The following ANK3 variants were observed in gnomAD, a reference collection of about 807,000 sequenced individuals.
ANK3 encodes the protein ankyrin-3.
A neutral mutation model predicts 370.9 loss-of-function variants in ANK3; 57 were observed. The observed-to-expected ratio is 0.15, with a 90% CI of 0.12 to 0.19. The LOEUF is 0.19. Ranked by LOEUF, ANK3 falls within the 10% of genes least tolerant of loss-of-function variation. The pLI is 1.00. For synonymous variants in ANK3, 1,929 were observed against 1,946.3 expected (o/e 0.99, Z 0.23); for missense variants, 4,439 against 5,302.1 (o/e 0.84, Z 5.06).
intron 8 of ANK3, among the ~76,000 whole-genome samples, chr10:60,229,217 A>T (rs1249768605): frequency 6.6e-6 from 1 of 152,196 alleles, no homozygotes; most frequent in Non-Finnish European, 1.5e-5. Context: ...GAAAAAATTG[A>T]TATATTTTTA....
chr10:60,434,751 G>GCT (rs1307762320), intron 2 of ANK3, among the ~76,000 whole-genome samples: 1 of 152,142 alleles, frequency 6.6e-6, no homozygotes, highest in African/African-American at 2.4e-5. Flanking sequence ...ATGCATTTTT[G>GCT]CAGAAGCTCA....
chr10:60,709,789 C>T (rs1215430133), intron 1 of ANK3, among the ~76,000 whole-genome samples: 1 of 149,408 alleles, frequency 6.7e-6, no homozygotes, highest in African/African-American at 2.5e-5. Context: ...GATTGCGCCA[C>T]TACACTCCAG....
chr10:60,288,927 C>CACAT (rs60551895), intron 1 of ANK3, among the ~76,000 whole-genome samples: 1 of 151,252 alleles, frequency 6.6e-6, no homozygotes, highest in Non-Finnish European at 1.5e-5. Flanking sequence ...CACACACACA[C>CACAT]GTCACAGCCA....
At chr10:60,218,329 G>T (rs1349707478) in intron 8 of ANK3, among the ~76,000 whole-genome samples, 1 of 139,042 alleles carries the variant, frequency 7.2e-6, no homozygotes, top group Non-Finnish European at 1.6e-5. Context: ...TCATCATGCT[G>T]CTATTTGGTT....
At chr10:60,407,549 G>C (rs1032787095) in intron 2 of ANK3, among the ~76,000 whole-genome samples, 1 of 152,112 alleles carries the variant, frequency 6.6e-6, no homozygotes, top group Non-Finnish European at 1.5e-5. Context: ...CATTTAATGA[G>C]TATTATGTGC....
intron 1 of ANK3, among the ~76,000 whole-genome samples, chr10:60,333,002 C>T (rs1295084306): frequency 6.6e-6 from 1 of 152,086 alleles, no homozygotes; most frequent in Admixed American, 6.6e-5. Flanking sequence ...CACATATATA[C>T]CCTTTTCAGG....
chr10:60,088,130 C>T lies in ANK3; in HGVS notation c.3540+17G>A, dbSNP rs777295364. The T allele has an allele frequency of 1.9e-6, 3 of 1,612,570 alleles. No homozygotes were observed. Among genetic ancestry groups the T allele is most frequent in the Non-Finnish European group, 2.5e-6 (3 of 1,178,826 alleles). Reference sequence around the variant, plus strand: ...TCTCTGCGCATACTGAGGGAAACAACTTTTTGTGAACATTACCTGGAGGCC... The same window carrying T: ...TCTCTGCGCATACTGAGGGAAACAATTTTTTGTGAACATTACCTGGAGGCC... On this transcript the variant is annotated intron_variant, in intron 29 of 43. Transcript: ENST00000280772.
Position 60,070,387 on chromosome 10 carries a change from T to C in ANK3, c.10494A>G (p.Ser3498=), listed in dbSNP as rs750662901. The part of the protein sequence containing the change: ...EKTPDKTDQK[S]GAQFFTLEGR... Reference sequence around the variant, plus strand: ...CTTCCAGTGTGAAGAACTGGGCCCCTGACTTCTGATCAGTCTTATCAGGAG... The same window carrying C: ...CTTCCAGTGTGAAGAACTGGGCCCCCGACTTCTGATCAGTCTTATCAGGAG... The change falls in exon 37 of 44, where the codon TCA becomes TCG. Residue 3498 remains serine (S), a synonymous_variant. Coordinates refer to ENST00000280772, the MANE Select transcript of ANK3 (RefSeq NM_020987.5). The surrounding 1 kb of genome is among the most constrained non-coding windows in gnomAD (Gnocchi z 5.7). 2 of 1,614,152 alleles carry C rather than the reference T, an allele frequency of 1.2e-6. No homozygotes were observed. Among genetic ancestry groups the C allele is most frequent in the South Asian group, 1.1e-5 (1 of 91,084 alleles).
intron 1 of ANK3, among the ~76,000 whole-genome samples, chr10:60,309,172 C>T (rs906696521): frequency 6.6e-6 from 1 of 152,186 alleles, no homozygotes; most frequent in African/African-American, 2.4e-5. Context: ...ATAAAAGGTG[C>T]TGTCCCTTAA....
chr10:60,568,240 T>C (rs978469595), intron 2 of ANK3, among the ~76,000 whole-genome samples: 1 of 152,148 alleles, frequency 6.6e-6, no homozygotes, highest in Non-Finnish European at 1.5e-5. Context: ...TGTGGCAAAC[T>C]TCACTGTTGT....
At chr10:60,526,459 A>C (rs1221889095) in intron 2 of ANK3, among the ~76,000 whole-genome samples, 1 of 152,174 alleles carries the variant, frequency 6.6e-6, no homozygotes, top group African/African-American at 2.4e-5. Context: ...TCCATCAAAC[A>C]GACATTCTTT....
chr10:60,579,142 T>C (rs1377799861), intron 2 of ANK3, among the ~76,000 whole-genome samples: 1 of 151,726 alleles, frequency 6.6e-6, no homozygotes, highest in Non-Finnish European at 1.5e-5. Context: ...TTGGCCAACA[T>C]GGTGAAACCC....
chr10:60,143,998 C>T (rs2094692369), intron 23 of ANK3, among the ~76,000 whole-genome samples: 2 of 152,028 alleles, frequency 1.3e-5, no homozygotes, highest in Admixed American at 1.3e-4. Context: ...AGAGAAATGC[C>T]CAGCCAACGC....
intron 1 of ANK3, among the ~76,000 whole-genome samples, chr10:60,280,550 A>G (rs2098145910): frequency 6.6e-6 from 1 of 152,232 alleles, no homozygotes; most frequent in African/African-American, 2.4e-5. Flanking sequence ...AACATCTATA[A>G]TTTCATAGTT....
chr10:60,218,436 TATTTA>T (rs2096983143), intron 8 of ANK3, among the ~76,000 whole-genome samples: 2 of 152,226 alleles, frequency 1.3e-5, no homozygotes. Flanking sequence ...TTCCTTTCCA[TATTTA>T]GTACTTCCTT....
intron 41 of ANK3, among the ~76,000 whole-genome samples, chr10:60,058,966 G>A (rs999881287): frequency 6.6e-6 from 1 of 152,254 alleles, no homozygotes; most frequent in South Asian, 2.1e-4. Flanking sequence ...TGTTGGCCAG[G>A]CTGGTCTTGA....
chr10:60,353,627 C>T (rs910074445), intron 1 of ANK3, among the ~76,000 whole-genome samples: 4 of 152,142 alleles, frequency 2.6e-5, no homozygotes, highest in African/African-American at 9.7e-5. Context: ...GCTGAACAGC[C>T]GAGGCAGAAG....
chr10:60,592,985 G>A (rs141260508), intron 2 of ANK3, among the ~76,000 whole-genome samples: 20 of 152,032 alleles, frequency 1.3e-4, no homozygotes, highest in African/African-American at 4.8e-4. Flanking sequence ...TGGAGAGAAG[G>A]GGTAGAAAGA....
chr10:60,592,585 C>T (rs149545937), intron 2 of ANK3, among the ~76,000 whole-genome samples: 1 of 151,930 alleles, frequency 6.6e-6, no homozygotes, highest in Non-Finnish European at 1.5e-5. Context: ...CATGGTGAAA[C>T]CTGTCTCTAC....
Sources: allele counts gnomAD v4.1 joint callset (sites outside exome capture counted in the v4.1 genomes callset), GRCh38; gene constraint gnomAD v4.1.1; non-coding constraint Gnocchi (gnomAD v3.1); transcripts MANE v1.5; gene names NCBI Gene and HGNC (gene_info 2026-07-23, HGNC 2026-07-21).